Variants in MBNL1 observed in about 807,000 individuals in gnomAD.
The protein encoded by MBNL1 is muscleblind-like protein 1.
In MBNL1, 8 loss-of-function variants were observed where a neutral mutation model predicts 42.2. The observed-to-expected ratio is 0.19, with a 90% CI of 0.11 to 0.34. MBNL1 has a LOEUF of 0.34. Ranked by LOEUF, MBNL1 falls within the 10% of genes least tolerant of loss-of-function variation. The pLI, the probability that MBNL1 is intolerant of heterozygous loss-of-function variation, is 1.00. For missense variants in MBNL1, 309 were observed against 495.3 expected (o/e 0.62, Z 3.57); for synonymous variants, 169 against 173.9 (o/e 0.97, Z 0.22).
At chr3:152,296,550 T>A (rs551524993) in intron 1 of MBNL1, among the ~76,000 whole-genome samples, 1 of 152,216 alleles carries the variant, frequency 6.6e-6, no homozygotes, top group East Asian at 1.9e-4. Flanking sequence ...GAAAGAGTAA[T>A]GAAGTTTTAG....
At chr3:152,433,404 G>A (rs1351308371) in intron 4 of MBNL1, among the ~76,000 whole-genome samples, 1 of 152,106 alleles carries the variant, frequency 6.6e-6, no homozygotes, top group African/African-American at 2.4e-5. Flanking sequence ...CTCATAAGCT[G>A]TACAATATTT....
intron 3 of MBNL1, among the ~76,000 whole-genome samples, chr3:152,425,212 G>GA (rs1262974044): frequency 7.5e-4 from 105 of 140,540 alleles, no homozygotes; most frequent in Middle Eastern, 3.5e-3. Context: ...AAATTTACAA[G>GA]AAAAAAAAAA....
chr3:152,256,641 G>A (rs1227789381), intron 2 of MBNL1, among the ~76,000 whole-genome samples: 1 of 152,074 alleles, frequency 6.6e-6, no homozygotes, highest in African/African-American at 2.4e-5. Flanking sequence ...ATCTCTGTTA[G>A]TTGGACACTG....
intron 3 of MBNL1, among the ~76,000 whole-genome samples, chr3:152,419,734 A>G (rs1173291171): frequency 6.6e-6 from 1 of 151,754 alleles, no homozygotes; most frequent in Non-Finnish European, 1.5e-5. Context: ...TTCATACTCT[A>G]GTGGCTCCTG....
chr3:152,460,083 G>A (rs927529475), intron 9 of MBNL1, among the ~76,000 whole-genome samples: 9 of 151,616 alleles, frequency 5.9e-5, no homozygotes, highest in African/African-American at 2.2e-4. Context: ...GTCAAACCCT[G>A]TCCTACAAAA....
chr3:152,271,717 T>C (rs1354566169), intron 1 of MBNL1, among the ~76,000 whole-genome samples: 3 of 152,166 alleles, frequency 2.0e-5, no homozygotes, highest in African/African-American at 7.2e-5. Context: ...CAAAATAAAA[T>C]CCCATCAACC....
intron 2 of MBNL1, among the ~76,000 whole-genome samples, chr3:152,380,822 G>C (rs1256290799): frequency 6.6e-6 from 1 of 151,650 alleles, no homozygotes; most frequent in Non-Finnish European, 1.5e-5. Flanking sequence ...ATTTTTCCTT[G>C]TGAATATTCA....
At chr3:152,252,809 CAT>C (rs1191576347) in intron 2 of MBNL1, among the ~76,000 whole-genome samples, 2 of 152,008 alleles carry the variant, frequency 1.3e-5, no homozygotes, top group African/African-American at 4.8e-5. Flanking sequence ...CATAAATATA[CAT>C]AGTCTATAAG....
At chr3:152,383,669 C>CT (rs1221352397) in intron 2 of MBNL1, among the ~76,000 whole-genome samples, 1 of 152,070 alleles carries the variant, frequency 6.6e-6, no homozygotes, top group Non-Finnish European at 1.5e-5. Flanking sequence ...ATCTGGGCAG[C>CT]TGTGCGTTGT....
At chr3:152,407,720 G>A (rs1367827003) in intron 2 of MBNL1, among the ~76,000 whole-genome samples, 1 of 152,066 alleles carries the variant, frequency 6.6e-6, no homozygotes, top group Non-Finnish European at 1.5e-5. Flanking sequence ...CAAAGACATG[G>A]AATTAACCCA....
chr3:152,463,522 A>G lies in MBNL1; in HGVS notation c.*1156A>G, dbSNP rs1344510857. ...AGTGACTCTAAACAAAGAAGAAAGC[A>G]GCACTGTCATCAGATGCATGATAAA... On this transcript the variant is annotated 3_prime_UTR_variant, in exon 10 of 10. Transcript: ENST00000324210. 6.6e-6 allele frequency: 1 copy of G among 152,550 alleles called. No homozygotes were observed. The highest frequency in any genetic ancestry group is 2.4e-5 in the African/African-American group (1 of 41,460). 9.4% of individuals were successfully genotyped at this position (152,550 alleles called of 1,614,324 possible).
intron 2 of MBNL1, among the ~76,000 whole-genome samples, chr3:152,371,395 C>G (rs1377746330): frequency 1.3e-5 from 2 of 152,176 alleles, no homozygotes; most frequent in African/African-American, 4.8e-5. Flanking sequence ...GTCAGGAGTT[C>G]AAGACCAGCC....
chr3:152,291,592 G>A (rs948733115), intron 1 of MBNL1, among the ~76,000 whole-genome samples: 7 of 152,230 alleles, frequency 4.6e-5, no homozygotes, highest in Admixed American at 1.3e-4. Flanking sequence ...TTAATTGTTC[G>A]TTTCCTCTGG....
chr3:152,324,180 C>A (rs2078101354), intron 2 of MBNL1, among the ~76,000 whole-genome samples: 1 of 152,192 alleles, frequency 6.6e-6, no homozygotes, highest in Non-Finnish European at 1.5e-5. Context: ...TAAATGTCAA[C>A]TGTCATTCAT....
At chr3:152,338,101 C>T (rs2091698821) in intron 2 of MBNL1, 2 of 973,086 alleles carry the variant, frequency 2.1e-6, no homozygotes, top group African/African-American at 1.8e-5. Flanking sequence ...ATATGTATTC[C>T]TTACTTTTCT....
intron 3 of MBNL1, among the ~76,000 whole-genome samples, chr3:152,428,782 A>T (rs557310303): frequency 6.6e-6 from 1 of 152,296 alleles, no homozygotes; most frequent in South Asian, 2.1e-4. Flanking sequence ...TTTAATGGAC[A>T]CCTGGTTCAT....
chr3:152,405,371 A>G (rs2098402504), intron 2 of MBNL1, among the ~76,000 whole-genome samples: 2 of 152,214 alleles, frequency 1.3e-5, no homozygotes, highest in South Asian at 2.1e-4. Context: ...CTTCCCAGTA[A>G]TACTGAGAGA....
chr3:152,364,579 A>G (rs185748969), intron 2 of MBNL1, among the ~76,000 whole-genome samples: 1 of 152,188 alleles, frequency 6.6e-6, no homozygotes, highest in Admixed American at 6.5e-5. Context: ...TAATGGCATT[A>G]CATATTTATG....
chr3:152,395,716 C>G (rs955460606), intron 2 of MBNL1, among the ~76,000 whole-genome samples: 2 of 152,230 alleles, frequency 1.3e-5, no homozygotes, highest in Non-Finnish European at 2.9e-5. Flanking sequence ...TTTGACGTTA[C>G]TTTCACTTAA....
Sources: gnomAD v4.1 joint callset for allele counts (sites outside exome capture counted in the v4.1 genomes callset) on GRCh38, gnomAD v4.1.1 for gene constraint, MANE v1.5 for transcripts, NCBI Gene and HGNC (gene_info 2026-07-23, HGNC 2026-07-21) for gene names.